MYO9A: variants seen among roughly 807,000 people sequenced by gnomAD.
MYO9A encodes the protein unconventional myosin-IXa.
Under a neutral mutation model 293.3 loss-of-function variants are expected in MYO9A, and 103 were observed. The ratio of observed to expected loss-of-function variants is 0.35; its 90% confidence interval spans 0.30 to 0.41. MYO9A has a LOEUF of 0.41. Ranked by LOEUF, MYO9A falls within the 10% of genes least tolerant of loss-of-function variation. MYO9A has a pLI of 1.00. For synonymous variants in MYO9A, 1,001 were observed against 1,035.7 expected, an observed-to-expected ratio of 0.97 and a Z score of 0.64; for missense variants, 2,685 against 3,033.0, an observed-to-expected ratio of 0.89 and a Z score of 2.69.
At chr15:71,906,768 T>C (rs1340158538) in intron 19 of MYO9A, among the ~76,000 whole-genome samples, 1 of 118,290 alleles carries the variant, frequency 8.5e-6, no homozygotes, top group Non-Finnish European at 1.8e-5. Context: ...CTTTTTTTTT[T>C]TTTTTTTTTT....
chr15:72,091,829 C>A (rs528313229), intron 1 of MYO9A, among the ~76,000 whole-genome samples: 1 of 151,908 alleles, frequency 6.6e-6, no homozygotes, highest in South Asian at 2.1e-4. Context: ...TTCTCCCTGC[C>A]TCAGCCTCCC....
intron 18 of MYO9A, among the ~76,000 whole-genome samples, chr15:71,926,530 G>A (rs991558092): frequency 3.3e-5 from 5 of 152,128 alleles, no homozygotes; most frequent in Admixed American, 6.6e-5. Flanking sequence ...GCAATAGAGT[G>A]AGATCCTGTC....
chr15:71,971,213 C>A lies in MYO9A; in HGVS notation c.1845-3088G>T, dbSNP rs115922275. Among the ~76,000 whole-genome samples the A allele has an allele frequency of 9.8e-3, 1,476 of 151,330 alleles. 23 individuals carry two copies. Among genetic ancestry groups the A allele is most frequent in the African/African-American group, 0.034 (1,391 of 41,226 alleles). On this transcript the variant is annotated intron_variant, in intron 12 of 41. Transcript: ENST00000356056. ...TGACATTCTCATTATTGGGTTAAAT[C>A]TATGTGAAGTAGCAACTGGTCAGGA...
At chr15:72,090,121 C>T (rs2079859078) in intron 1 of MYO9A, among the ~76,000 whole-genome samples, 1 of 152,140 alleles carries the variant, frequency 6.6e-6, no homozygotes, top group Non-Finnish European at 1.5e-5. Flanking sequence ...TAAATTACTA[C>T]TTATTAGCCC....
At chr15:71,964,341 T>C (rs778121460) in intron 13 of MYO9A, among the ~76,000 whole-genome samples, 1 of 152,106 alleles carries the variant, frequency 6.6e-6, no homozygotes, top group Non-Finnish European at 1.5e-5. Context: ...GTTTCTCACA[T>C]AGAAGCTTAG....
chr15:71,997,431 T>C (rs1877016207), intron 9 of MYO9A, among the ~76,000 whole-genome samples: 1 of 151,958 alleles, frequency 6.6e-6, no homozygotes, highest in South Asian at 2.1e-4. Flanking sequence ...AAACCCCATC[T>C]CTACTAAAAA....
intron 8 of MYO9A, among the ~76,000 whole-genome samples, chr15:72,005,382 G>C (rs2076986474): frequency 1.3e-5 from 2 of 152,202 alleles, no homozygotes; most frequent in South Asian, 4.2e-4. Context: ...AAGAAGAAAT[G>C]ATGCACTAGA....
intron 39 of MYO9A, among the ~76,000 whole-genome samples, chr15:71,833,047 A>G (rs1470460761): frequency 6.6e-6 from 1 of 152,064 alleles, no homozygotes; most frequent in East Asian, 1.9e-4. Context: ...AAAATGCAAG[A>G]AAGAGCAAAA....
chr15:72,040,434 TTC>T (rs1286360305), intron 2 of MYO9A, among the ~76,000 whole-genome samples: 24 of 152,166 alleles, frequency 1.6e-4, no homozygotes, highest in African/African-American at 5.8e-4. Context: ...CCTCTCCTGT[TTC>T]TGTGTGAAGA....
At chr15:71,861,452 TTA>T (rs2056118290) in intron 33 of MYO9A, among the ~76,000 whole-genome samples, 1 of 148,016 alleles carries the variant, frequency 6.8e-6, no homozygotes, top group Non-Finnish European at 1.5e-5. Context: ...AGATATATAT[TTA>T]TATGTAAAAT....
intron 1 of MYO9A, among the ~76,000 whole-genome samples, chr15:72,097,581 T>C (rs6494989): frequency 0.95 from 145,312 of 152,284 alleles, 69,710 homozygotes; most frequent in East Asian, 1. Context: ...GAAACTGAAC[T>C]TAAATATATC....
chr15:71,843,070 T>TA (rs1244343097), intron 39 of MYO9A, among the ~76,000 whole-genome samples: 8 of 152,102 alleles, frequency 5.3e-5, no homozygotes, highest in Non-Finnish European at 1.0e-4. Context: ...TGTGAAACTA[T>TA]TTATGTCTGA....
Position 71,899,956 on chromosome 15 carries a change from C to A in MYO9A, c.3201G>T (p.Val1067=). 1 of 1,613,868 alleles carries A rather than the reference C, an allele frequency of 6.2e-7. No homozygotes were observed. Among genetic ancestry groups the A allele is most frequent in the Non-Finnish European group, 8.5e-7 (1 of 1,179,808 alleles). ...TAGCCATAACAAAAGCATCCTTCTG[C>A]ACAGCTGCATCTCTGACTTGCTTCT... ...LNQKQVRDAA[V]QKDAFVMASA... is the part of the protein sequence containing the mutation. Residue 1067 remains valine (V), a synonymous_variant, in exon 24 of 42, where the codon GTG becomes GTT. Coordinates refer to ENST00000356056, the MANE Select transcript of MYO9A (RefSeq NM_006901.4).
rs114014391 is a variant in MYO9A at position 71,852,356 on chromosome 15, A to C, written c.6347-96T>G. 3.6e-3 allele frequency: 3,749 copies of C among 1,045,466 alleles called. 101 individuals carry two copies. The African/African-American group carries it at 0.056, about 15-fold the overall frequency. The allele number at this position is 1,045,466 out of a possible 1,614,324, so 64.8% of individuals were successfully genotyped here. A position where few individuals can be genotyped will look rare whatever the true frequency, so the allele number is the denominator to read the frequency against. On this transcript the variant is annotated intron_variant, in intron 35 of 41. Coordinates refer to ENST00000356056, the MANE Select transcript of MYO9A (RefSeq NM_006901.4). ...ACTATCATCATTAAAGGAAGGCTTC[A>C]TGTTTCTTTTTTTTTTTTTTTTTTG...
chr15:72,073,421 T>C (rs1479341093), intron 1 of MYO9A, among the ~76,000 whole-genome samples: 1 of 152,224 alleles, frequency 6.6e-6, no homozygotes, highest in Non-Finnish European at 1.5e-5. Context: ...TATCTAGGCA[T>C]ACCCCTGCTC....
At chr15:72,087,059 C>CA (rs1486425602) in intron 1 of MYO9A, among the ~76,000 whole-genome samples, 2 of 152,190 alleles carry the variant, frequency 1.3e-5, no homozygotes, top group Non-Finnish European at 2.9e-5. Flanking sequence ...AGCCACCGCC[C>CA]CGGCCCACAG....
chr15:71,880,499 TCCGGCAACTG>T lies in MYO9A; in HGVS notation c.5448_5457del (p.Ser1817ArgfsTer19). On this transcript the variant is annotated frameshift_variant, in exon 29 of 42. Transcript: ENST00000356056. LOFTEE classifies it high-confidence loss of function. The stretch of plus-strand genomic sequence containing the variant: ...GGTTCTTTGTTCTCTTTGAATTCCT[TCCGGCAACTG>T]CCGGGCAGTTCTGGGCTCAAAGGAG... 6.2e-7 allele frequency: 1 copy of T among 1,614,234 alleles called. No individual in the cohort carries two copies. Among genetic ancestry groups the T allele is most frequent in the Non-Finnish European group, 8.5e-7 (1 of 1,180,018 alleles).
chr15:71,877,363 G>T (rs2056726234), intron 31 of MYO9A, among the ~76,000 whole-genome samples: 1 of 152,074 alleles, frequency 6.6e-6, no homozygotes, highest in Non-Finnish European at 1.5e-5. Flanking sequence ...CCTAATTCAA[G>T]AATAAATATA....
intron 1 of MYO9A, among the ~76,000 whole-genome samples, chr15:72,100,998 G>A (rs1483948656): frequency 2.3e-5 from 3 of 128,372 alleles, no homozygotes; most frequent in Admixed American, 7.4e-5. Context: ...CTGGCCAGCC[G>A]CCCCGTCCGG....
Sources: allele counts gnomAD v4.1 joint callset (sites outside exome capture counted in the v4.1 genomes callset), GRCh38; gene constraint gnomAD v4.1.1; transcripts MANE v1.5; gene names NCBI Gene and HGNC (gene_info 2026-07-23, HGNC 2026-07-21).